The following CAST variants were observed in gnomAD, a reference collection of about 807,000 sequenced individuals.
CAST encodes MIR583 host.
Under a neutral mutation model 119.6 loss-of-function variants are expected in CAST, and 76 were observed. That is an observed-to-expected ratio of 0.64 (90% confidence interval 0.53 to 0.77). The LOEUF is 0.77. Among genes scored for constraint, CAST ranks in the 30% least tolerant of loss-of-function variants. The pLI, the probability that CAST is intolerant of heterozygous loss-of-function variation, is 0.00. For synonymous variants in CAST, 319 were observed against 331.6 expected (o/e 0.96, Z 0.41); for missense variants, 953 against 946.5 (o/e 1.01, Z -0.09).
chr5:96,357,022 TA>T, the CAST span, among the ~76,000 whole-genome samples: 1 of 152,222 alleles, frequency 6.6e-6, no homozygotes, highest in Non-Finnish European at 1.5e-5. Flanking sequence ...CAGTGGTTTG[TA>T]ATTCTCCTTG....
At chr5:96,540,225 G>A (rs1390207068) in intron 1 of CAST, among the ~76,000 whole-genome samples, 1 of 151,888 alleles carries the variant, frequency 6.6e-6, no homozygotes, top group Non-Finnish European at 1.5e-5. Context: ...AAGGAAAAAA[G>A]TCAGCCCATG....
chr5:96,455,670 G>A, the CAST span, among the ~76,000 whole-genome samples: 10 of 152,126 alleles, frequency 6.6e-5, no homozygotes, highest in African/African-American at 2.2e-4. Context: ...CAGTCCTGCC[G>A]TTCCCTCAGC....
the CAST span, among the ~76,000 whole-genome samples, chr5:96,007,602 C>T: frequency 0.04 from 6,042 of 149,662 alleles, 216 homozygotes; most frequent in African/African-American, 0.083. Context: ...AAATTAGTGC[C>T]CTTTTAAGAA....
the CAST span, among the ~76,000 whole-genome samples, chr5:96,021,749 C>G: frequency 3.9e-5 from 6 of 152,222 alleles, no homozygotes; most frequent in Non-Finnish European, 8.8e-5. Flanking sequence ...CCTGGCTGAT[C>G]AGCATTTTCC....
the CAST span, among the ~76,000 whole-genome samples, chr5:96,504,344 C>CA: frequency 2.7e-4 from 41 of 151,892 alleles, no homozygotes; most frequent in Middle Eastern, 3.4e-3. Flanking sequence ...GTGATCCTGT[C>CA]AAAAAAAAGT....
chr5:96,764,385 G>A (rs1769065109), intron 25 of CAST, among the ~76,000 whole-genome samples: 1 of 152,178 alleles, frequency 6.6e-6, no homozygotes, highest in Non-Finnish European at 1.5e-5. Flanking sequence ...ATAAATGTTA[G>A]AGGAAATAAG....
At chr5:96,568,311 T>C (rs1033174058) in intron 1 of CAST, among the ~76,000 whole-genome samples, 2 of 152,224 alleles carry the variant, frequency 1.3e-5, no homozygotes, top group Non-Finnish European at 2.9e-5. Context: ...ACGCCTGTAA[T>C]CTCAGCACTT....
At chr5:96,091,037 G>T in the CAST span, among the ~76,000 whole-genome samples, 3 of 151,994 alleles carry the variant, frequency 2.0e-5, no homozygotes, top group African/African-American at 7.3e-5. Flanking sequence ...CTGGGGGGAA[G>T]GTACATTACA....
At chr5:96,011,669 T>A in the CAST span, among the ~76,000 whole-genome samples, 1 of 152,194 alleles carries the variant, frequency 6.6e-6, no homozygotes, top group Non-Finnish European at 1.5e-5. Flanking sequence ...TTCTTCTAGA[T>A]TGCTGGCTTT....
chr5:96,748,517 G>A lies in CAST; in HGVS notation c.1333-1G>A. On this transcript the variant is annotated splice_acceptor_variant, in intron 18 of 31. Transcript: ENST00000675179. LOFTEE classifies it high-confidence loss of function. Reference sequence around the variant, plus strand: ...AATATACAGCACTTCTTATATTACAGCCTCGGAGTGAATCAGAACTCATTG... The same window carrying A: ...AATATACAGCACTTCTTATATTACAACCTCGGAGTGAATCAGAACTCATTG... The A allele has an allele frequency of 6.7e-7, 1 of 1,495,684 alleles. No homozygotes were observed. The highest frequency in any genetic ancestry group is 9.3e-7 in the Non-Finnish European group (1 of 1,076,272). The allele number at this position is 1,495,684 out of a possible 1,614,324, so 92.7% of individuals were successfully genotyped here. A position where few individuals can be genotyped will look rare whatever the true frequency, so the allele number is the denominator to read the frequency against.
chr5:96,438,983 G>A, the CAST span, among the ~76,000 whole-genome samples: 527 of 152,280 alleles, frequency 3.5e-3, 2 homozygotes, highest in African/African-American at 0.012. Context: ...CTTAGCAGAA[G>A]GGTGAGGACA....
chr5:96,531,315 C>T (rs904203212), intron 1 of CAST, among the ~76,000 whole-genome samples: 3 of 152,034 alleles, frequency 2.0e-5, no homozygotes, highest in African/African-American at 4.8e-5. Context: ...AACATGCCAC[C>T]GGTGAAAGAA....
At chr5:96,292,124 C>G in the CAST span, among the ~76,000 whole-genome samples, 2 of 152,096 alleles carry the variant, frequency 1.3e-5, no homozygotes. Flanking sequence ...ATGTTAATAT[C>G]TCAAAGATGA....
intron 11 of CAST, among the ~76,000 whole-genome samples, chr5:96,739,198 A>G (rs1490805421): frequency 6.6e-6 from 1 of 152,202 alleles, no homozygotes; most frequent in Admixed American, 6.5e-5. Flanking sequence ...CAATTCCTAT[A>G]GTTTTCCTAT....
the CAST span, among the ~76,000 whole-genome samples, chr5:96,017,085 C>T: frequency 2.0e-5 from 3 of 152,224 alleles, no homozygotes; most frequent in African/African-American, 7.2e-5. Context: ...ATCCACCTGC[C>T]TTGGTCTCCC....
intron 1 of CAST, among the ~76,000 whole-genome samples, chr5:96,550,642 C>T (rs1746109931): frequency 6.6e-6 from 1 of 152,138 alleles, no homozygotes; most frequent in African/African-American, 2.4e-5. Flanking sequence ...TTGTTCTAAA[C>T]CATCTCAAGG....
At chr5:96,382,055 G>T in the CAST span, among the ~76,000 whole-genome samples, 3 of 152,174 alleles carry the variant, frequency 2.0e-5, no homozygotes, top group East Asian at 5.8e-4. Flanking sequence ...AGTGAAAAAG[G>T]TGTATGAGGT....
intron 3 of CAST, among the ~76,000 whole-genome samples, chr5:96,697,037 G>A (rs1219809836): frequency 6.6e-6 from 1 of 151,712 alleles, no homozygotes; most frequent in Non-Finnish European, 1.5e-5. Context: ...GTGTGGTGGT[G>A]CGCACCTGTA....
chr5:96,563,722 C>G (rs1421189648), intron 1 of CAST, among the ~76,000 whole-genome samples: 1 of 152,118 alleles, frequency 6.6e-6, no homozygotes, highest in Non-Finnish European at 1.5e-5. Context: ...CGGTTCACTG[C>G]CGCACTTACT....
Sources: allele counts gnomAD v4.1 joint callset (sites outside exome capture counted in the v4.1 genomes callset), GRCh38; gene constraint gnomAD v4.1.1; transcripts MANE v1.5; gene names NCBI Gene and HGNC (gene_info 2026-07-23, HGNC 2026-07-21).